Variants in LMBRD1 observed in about 807,000 individuals in gnomAD.
The protein encoded by LMBRD1 is lysosomal cobalamin transport escort protein LMBD1.
A neutral mutation model predicts 74.8 loss-of-function variants in LMBRD1; 64 were observed. The observed-to-expected ratio is 0.86, with a 90% CI of 0.70 to 1.05. The LOEUF is 1.05. Among genes scored for constraint, LMBRD1 ranks in the 50% least tolerant of loss-of-function variants. The pLI is 0.00. For synonymous variants in LMBRD1, 204 were observed against 216.3 expected (o/e 0.94, Z 0.50); for missense variants, 652 against 645.9 (o/e 1.01, Z -0.10).
intron 13 of LMBRD1, among the ~76,000 whole-genome samples, chr6:69,697,905 A>C (rs1295624965): frequency 6.6e-6 from 1 of 152,082 alleles, no homozygotes; most frequent in Non-Finnish European, 1.5e-5. Flanking sequence ...TTTTAATACA[A>C]AGTATAGCAT....
chr6:69,796,655 C>T (rs1173964473), intron 1 of LMBRD1, among the ~76,000 whole-genome samples, 158 bp downstream of exon 1: 2 of 152,248 alleles, frequency 1.3e-5, no homozygotes, highest in East Asian at 3.9e-4. Context: ...CCCCGCCGCC[C>T]GCCCAAGCCC....
At chr6:69,726,666 T>A (rs911949029) in intron 7 of LMBRD1, among the ~76,000 whole-genome samples, 4 of 151,424 alleles carry the variant, frequency 2.6e-5, no homozygotes, top group African/African-American at 9.7e-5. Context: ...ATTTGTAGGA[T>A]CTAAAAATCA....
Position 69,752,326 on chromosome 6 carries a change from A to G in LMBRD1, c.338T>C (p.Phe113Ser). ...TLYSVILFCV[F>S]FWIPFVYFYY... The stretch of plus-strand genomic sequence containing the variant: ...GAAGTAGACAAAAGGGATCCAGAAG[A>G]ACACACAGAACAATATAACAGAATA... Residue 113 changes from phenylalanine (F) to serine (S), a missense_variant, in exon 4 of 16, where the codon TTC becomes TCC. By Grantham distance (155) the Phe-to-Ser change is radical. Around this residue, in one of 3 missense-constraint regions of LMBRD1, gnomAD observed 598 missense variants for 581.8 expected, o/e 1.03. Coordinates refer to ENST00000649934, the MANE Select transcript of LMBRD1 (RefSeq NM_018368.4). 6.2e-7 allele frequency: 1 copy of G among 1,610,218 alleles called. No homozygotes were observed. Among genetic ancestry groups the G allele is most frequent in the Non-Finnish European group, 8.5e-7 (1 of 1,176,916 alleles).
Position 69,690,061 on chromosome 6 carries a change from ATT to A in LMBRD1, c.1417+7500_1417+7501del, listed in dbSNP as rs11365730. Among the ~76,000 whole-genome samples the A allele has an allele frequency of 4.1e-3, 610 of 147,644 alleles. 5 individuals are homozygous for A. The highest frequency in any genetic ancestry group is 0.011 in the African/African-American group (435 of 39,980). ...GAGGGTTTCATTCACTCATTCATTCATTTTTTTTTTTTTTAAACTAGTTCTTG... is the reference window on the plus strand; with the variant it reads ...GAGGGTTTCATTCACTCATTCATTCATTTTTTTTTTTTAAACTAGTTCTTG... On this transcript the variant is annotated intron_variant, in intron 14 of 15. Coordinates refer to ENST00000649934, the MANE Select transcript of LMBRD1 (RefSeq NM_018368.4).
intron 7 of LMBRD1, among the ~76,000 whole-genome samples, chr6:69,727,940 T>C (rs1040472752): frequency 3.9e-5 from 6 of 152,172 alleles, no homozygotes; most frequent in Non-Finnish European, 7.4e-5. Context: ...CTGATTAATA[T>C]ATAGTATTAT....
At position 69,713,637 on chromosome 6, in the gene LMBRD1, T is replaced by G. The variant is rs754822476; in HGVS notation, c.915+8A>C. ...AGTGACAGCATAATTTTTAAAAACT[T>G]CATTTACCTTCAGGGGACGCAGAGC... On this transcript the variant is annotated splice_region_variant and intron_variant, in intron 9 of 15. Transcript: ENST00000649934. 1.2e-6 allele frequency: 2 copies of G among 1,613,118 alleles called. No homozygotes were observed. Among genetic ancestry groups the G allele is most frequent in the East Asian group, 4.5e-5 (2 of 44,852 alleles).
At chr6:69,742,529 C>T (rs572491893) in intron 5 of LMBRD1, among the ~76,000 whole-genome samples, 1 of 152,154 alleles carries the variant, frequency 6.6e-6, no homozygotes, top group Admixed American at 6.5e-5. Context: ...AATAAATGTG[C>T]ACTTTATTAT....
intron 8 of LMBRD1, among the ~76,000 whole-genome samples, chr6:69,714,872 T>A (rs1012772893): frequency 6.6e-6 from 1 of 152,108 alleles, no homozygotes. Flanking sequence ...ACTTCATGCA[T>A]AAGAATCACT....
At chr6:69,709,949 A>G (rs1766347366) in intron 9 of LMBRD1, among the ~76,000 whole-genome samples, 1 of 152,202 alleles carries the variant, frequency 6.6e-6, no homozygotes, top group Non-Finnish European at 1.5e-5. Flanking sequence ...CCCCAAATTT[A>G]TCTATAAGAG....
In LMBRD1 at chr6:69,741,794, C is replaced by A. The variant is rs1327062706; in HGVS notation, c.557G>T (p.Ser186Ile). 4 of 1,571,416 alleles carry A rather than the reference C, an allele frequency of 2.5e-6. No individual in the cohort carries two copies. The highest frequency in any genetic ancestry group is 3.5e-6 in the Non-Finnish European group (4 of 1,141,452). ...KVKSLFEELG[S>I]SHGLAALSFS... ...TTAAAAAAAACAATACTTACGACTA[C>A]TTCCAAGTTCTTCAAATAGGGACTT... The change falls in exon 6 of 16, where the codon AGT becomes ATT. Residue 186 changes from serine (S) to isoleucine (I), a missense_variant. By Grantham distance (142) the Ser-to-Ile change is moderately radical. This residue lies in a region of LMBRD1 where 598 missense variants were observed against 581.8 expected (regional missense o/e 1.03). Coordinates refer to ENST00000649934, the MANE Select transcript of LMBRD1 (RefSeq NM_018368.4).
intron 14 of LMBRD1, among the ~76,000 whole-genome samples, chr6:69,695,402 A>G (rs1320438480): frequency 6.6e-6 from 1 of 151,852 alleles, no homozygotes; most frequent in Non-Finnish European, 1.5e-5. Flanking sequence ...TCCAGTGTCC[A>G]TTCTCTTCTC....
chr6:69,680,352 T>A (rs2149834267), intron 14 of LMBRD1, among the ~76,000 whole-genome samples: 1 of 152,278 alleles, frequency 6.6e-6, no homozygotes, highest in Admixed American at 6.5e-5. Context: ...CTCATTTCCA[T>A]ACTTATGATA....
At chr6:69,678,081 CG>C (rs1765584361) in intron 14 of LMBRD1, among the ~76,000 whole-genome samples, 1 of 152,058 alleles carries the variant, frequency 6.6e-6, no homozygotes, top group African/African-American at 2.4e-5. Flanking sequence ...TTCTCCAAAA[CG>C]TAACTACTAA....
At chr6:69,780,388 T>C in intron 3 of LMBRD1, 106 bp downstream of exon 3, 2 of 828,224 alleles carry the variant, frequency 2.4e-6, no homozygotes, top group Middle Eastern at 4.5e-4. Context: ...TGTCATTTTT[T>C]TCTAATTCGA....
intron 14 of LMBRD1, among the ~76,000 whole-genome samples, chr6:69,677,984 G>A (rs980831633): frequency 2.0e-5 from 3 of 152,046 alleles, no homozygotes; most frequent in Admixed American, 1.3e-4. Context: ...GAGGCCTGTG[G>A]CAACACAGTA....
chr6:69,678,615 C>T (rs770001326), intron 14 of LMBRD1, among the ~76,000 whole-genome samples: 1 of 152,088 alleles, frequency 6.6e-6, no homozygotes, highest in African/African-American at 2.4e-5. Context: ...ATAATTTCTA[C>T]ATATTTTTAT....
chr6:69,743,521 A>G (rs1767152722), intron 5 of LMBRD1, among the ~76,000 whole-genome samples: 1 of 152,210 alleles, frequency 6.6e-6, no homozygotes, highest in Non-Finnish European at 1.5e-5. Flanking sequence ...AAAAAACTAA[A>G]AAGACTAAGT....
intron 12 of LMBRD1, among the ~76,000 whole-genome samples, chr6:69,699,633 T>C (rs1766084224): frequency 6.6e-6 from 1 of 151,878 alleles, no homozygotes; most frequent in Admixed American, 6.6e-5. Flanking sequence ...TGAAAAACTC[T>C]GATAATCTTA....
intron 1 of LMBRD1, among the ~76,000 whole-genome samples, chr6:69,793,650 T>C (rs1766140194): frequency 6.6e-6 from 1 of 151,672 alleles, no homozygotes; most frequent in Admixed American, 6.6e-5. Context: ...ATTCCTTATG[T>C]GTGAAGAAAC....
Sources: gnomAD v4.1 joint callset for allele counts (sites outside exome capture counted in the v4.1 genomes callset) on GRCh38, gnomAD v4.1.1 for gene constraint, gnomAD v4.1.1 regional missense constraint, MANE v1.5 for transcripts, NCBI Gene and HGNC (gene_info 2026-07-23, HGNC 2026-07-21) for gene names.